Variants in ZNF385D observed in about 807,000 individuals in gnomAD.
The protein encoded by ZNF385D is zinc finger protein 659.
In ZNF385D, 15 loss-of-function variants were observed where a neutral mutation model predicts 35.8. That is an observed-to-expected ratio of 0.42 (90% CI 0.28 to 0.64). The LOEUF (loss-of-function observed/expected upper bound fraction) is 0.64, where lower values mean the gene tolerates loss of function less well. Among genes scored for constraint, ZNF385D ranks in the 30% least tolerant of loss-of-function variants. The pLI is 0.23. For synonymous variants in ZNF385D, 212 were observed against 186.8 expected, an observed-to-expected ratio of 1.13 and a Z score of -1.10; for missense variants, 474 against 494.6, an observed-to-expected ratio of 0.96 and a Z score of 0.39.
rs183356988 is a variant in ZNF385D, at chr3:22,106,603, C to T, written c.325+62214G>A. 5.5e-3 allele frequency among the ~76,000 whole-genome samples: 844 copies of T among 152,228 alleles called. 12 individuals carry two copies. The highest frequency in any genetic ancestry group is 0.018 in the African/African-American group (764 of 41,568). ...TGAGTCTCTCTCTCACCAGTCCCTG[C>T]CCCCTTGGTTTAATACCAGCTCCAG... On this transcript the variant is annotated intron_variant, in intron 3 of 5. Transcript: ENST00000494108.
chr3:21,463,154 A>G (rs181117026), intron 4 of ZNF385D, among the ~76,000 whole-genome samples: 2 of 152,290 alleles, frequency 1.3e-5, no homozygotes, highest in East Asian at 3.9e-4. Flanking sequence ...TAGATGTAGT[A>G]ATTTAAAAGT....
chr3:21,751,621 T>C (rs549199589), upstream of ZNF385D, among the ~76,000 whole-genome samples: 21 of 152,220 alleles, frequency 1.4e-4, no homozygotes, highest in African/African-American at 5.1e-4. Flanking sequence ...TGAGGGTTTG[T>C]TGTTATTTTT....
intron 2 of ZNF385D, among the ~76,000 whole-genome samples, chr3:21,590,402 G>A (rs943278563): frequency 1.3e-5 from 2 of 152,124 alleles, no homozygotes; most frequent in Non-Finnish European, 2.9e-5. Context: ...AGTTGGGTAC[G>A]AGGTACATGT....
At chr3:22,273,630 G>A (rs1037572682) in intron 2 of ZNF385D, among the ~76,000 whole-genome samples, 1 of 151,962 alleles carries the variant, frequency 6.6e-6, no homozygotes, top group East Asian at 1.9e-4. Context: ...GTAAAATCAT[G>A]ATTCTCATAC....
At chr3:21,982,354 G>C (rs2125372949) in intron 3 of ZNF385D, among the ~76,000 whole-genome samples, 1 of 152,142 alleles carries the variant, frequency 6.6e-6, no homozygotes, top group African/African-American at 2.4e-5. Context: ...ATTGTAAGTA[G>C]AATCGCCTTT....
chr3:22,299,466 A>G (rs1279309590), intron 2 of ZNF385D, among the ~76,000 whole-genome samples: 4 of 151,830 alleles, frequency 2.6e-5, no homozygotes, highest in Non-Finnish European at 5.9e-5. Context: ...CATAATTTGA[A>G]AAAAAGAAAA....
intron 3 of ZNF385D, among the ~76,000 whole-genome samples, chr3:22,122,511 G>A (rs1156459505): frequency 1.3e-5 from 2 of 152,050 alleles, no homozygotes; most frequent in African/African-American, 4.8e-5. Flanking sequence ...CTAAATATAT[G>A]TCAGAATCTT....
At chr3:22,342,922 C>T (rs1464841970) in intron 2 of ZNF385D, among the ~76,000 whole-genome samples, 1 of 152,170 alleles carries the variant, frequency 6.6e-6, no homozygotes, top group Admixed American at 6.5e-5. Context: ...CCAGTGGTAG[C>T]CTCTAGCTTC....
At chr3:21,777,106 G>C (rs1011580198) in intron 3 of ZNF385D, among the ~76,000 whole-genome samples, 6 of 151,892 alleles carry the variant, frequency 4.0e-5, no homozygotes, top group Non-Finnish European at 5.9e-5. Context: ...AAATCATCAG[G>C]CTTGAATTTA....
chr3:22,175,399 T>G (rs1206147640), intron 2 of ZNF385D, among the ~76,000 whole-genome samples: 3 of 151,976 alleles, frequency 2.0e-5, no homozygotes, highest in African/African-American at 7.2e-5. Context: ...CCAGAGACAA[T>G]TATCATAAGT....
chr3:21,924,064 A>G (rs1381213118), intron 3 of ZNF385D, among the ~76,000 whole-genome samples: 2 of 152,212 alleles, frequency 1.3e-5, no homozygotes, highest in Non-Finnish European at 2.9e-5. Flanking sequence ...GGTAAAAGCC[A>G]GAGCACATAA....
At chr3:21,818,486 T>C (rs928027978) in intron 3 of ZNF385D, among the ~76,000 whole-genome samples, 1 of 152,174 alleles carries the variant, frequency 6.6e-6, no homozygotes, top group Non-Finnish European at 1.5e-5. Context: ...AAATTATTAA[T>C]TTGGGTGTTA....
chr3:22,184,300 C>T (rs1039183894), intron 2 of ZNF385D, among the ~76,000 whole-genome samples: 2 of 152,120 alleles, frequency 1.3e-5, no homozygotes, highest in African/African-American at 2.4e-5. Context: ...CCATTATTGA[C>T]GTCAGGGCAA....
chr3:22,255,140 G>A (rs775151229), intron 2 of ZNF385D, among the ~76,000 whole-genome samples: 6 of 151,430 alleles, frequency 4.0e-5, no homozygotes, highest in Non-Finnish European at 7.4e-5. Flanking sequence ...CCACAAATGC[G>A]GGGAACTACT....
At chr3:22,249,809 A>G (rs1423668940) in intron 2 of ZNF385D, among the ~76,000 whole-genome samples, 1 of 152,130 alleles carries the variant, frequency 6.6e-6, no homozygotes, top group Non-Finnish European at 1.5e-5. Flanking sequence ...TTCTGTTTAT[A>G]TTTAGGACCA....
At chr3:21,717,136 T>C (rs1204163041) in intron 1 of ZNF385D, among the ~76,000 whole-genome samples, 2 of 152,098 alleles carry the variant, frequency 1.3e-5, no homozygotes, top group Admixed American at 1.3e-4. Context: ...AACAACAAGA[T>C]TCCTGACACA....
Position 21,627,483 on chromosome 3 carries a change from G to A in ZNF385D, c.165+37403C>T, listed in dbSNP as rs539289971. ...CGTTCATAAGGCGAAAAAAGATGCT[G>A]TGAAAATCAGGTCTATTAATCAGAT... is the stretch of plus-strand genomic sequence containing the variant. On this transcript the variant is annotated intron_variant, in intron 2 of 7. Transcript: ENST00000281523. Among the ~76,000 whole-genome samples, 3 of 152,118 alleles carry A rather than the reference G, an allele frequency of 2.0e-5. No homozygotes were observed. The South Asian group carries it at 6.2e-4, about 32-fold the overall frequency.
At chr3:22,149,543 A>G (rs1024700244) in intron 3 of ZNF385D, among the ~76,000 whole-genome samples, 1 of 152,190 alleles carries the variant, frequency 6.6e-6, no homozygotes, top group African/African-American at 2.4e-5. Context: ...GGTAGGCCCC[A>G]ATAATTGAAT....
intron 3 of ZNF385D, among the ~76,000 whole-genome samples, chr3:21,931,829 T>C (rs1701022663): frequency 6.6e-6 from 1 of 152,100 alleles, no homozygotes; most frequent in Admixed American, 6.5e-5. Flanking sequence ...TGAGTCAGTT[T>C]TATAATATGT....
Sources: gnomAD v4.1 joint callset for allele counts (sites outside exome capture counted in the v4.1 genomes callset) on GRCh38, gnomAD v4.1.1 for gene constraint, MANE v1.5 for transcripts, NCBI Gene and HGNC (gene_info 2026-07-23, HGNC 2026-07-21) for gene names.